The following APOBEC3F variants were observed in gnomAD, a reference collection of about 807,000 sequenced individuals.
APOBEC3F encodes the protein apolipoprotein B mRNA editing enzyme catalytic subunit 3F, also known as DNA dC->dU-editing enzyme APOBEC-3F.
APOBEC3F carries 34 observed loss-of-function variants against 45.8 expected under a neutral mutation model. That is an observed-to-expected ratio of 0.74 (90% CI 0.57 to 0.99). The LOEUF is 0.99. Ranked by LOEUF, APOBEC3F falls within the 50% of genes least tolerant of loss-of-function variation. The probability of loss-of-function intolerance (pLI) is 0.00; values close to 1 mark genes in which losing one functional copy is unlikely to be tolerated. For synonymous variants in APOBEC3F, 192 were observed against 174.4 expected (o/e 1.10, Z -0.80); for missense variants, 459 against 474.1 (o/e 0.97, Z 0.30).
Position 39,045,477 on chromosome 22 carries a change from C to T in APOBEC3F, c.501C>T (p.Phe167=). 2 of 1,614,144 alleles carry T rather than the reference C, an allele frequency of 1.2e-6. No individual in the cohort carries two copies. The highest frequency in any genetic ancestry group is 1.3e-5 in the African/African-American group (1 of 75,028). Residue 167 remains phenylalanine (F), a synonymous_variant, in exon 4 of 7, where the codon TTC becomes TTT. Transcript: ENST00000308521. ...ENFVYSEGQP[F]MPWYKFDDNY... is the part of the protein sequence containing the mutation. ...TTGTGTACAGTGAAGGTCAGCCATTCATGCCTTGGTACAAATTCGATGACA... is the reference window on the plus strand; with the variant it reads ...TTGTGTACAGTGAAGGTCAGCCATTTATGCCTTGGTACAAATTCGATGACA...
intron 3 of APOBEC3F, 47 bp from the exon 4 acceptor site, chr22:39,045,381 C>G (rs745614922): frequency 2.3e-5 from 37 of 1,613,454 alleles, no homozygotes; most frequent in Non-Finnish European, 2.9e-5. Flanking sequence ...GGAGCGCGGG[C>G]CCAGGGTCAG....
chr22:39,044,805 AG>A (rs1927118093), intron 2 of APOBEC3F, 135 bp from the exon 3 acceptor site: 2 of 819,294 alleles, frequency 2.4e-6, no homozygotes, highest in Non-Finnish European at 1.9e-6. Flanking sequence ...CAAACTAAAC[AG>A]GGGGGATGGA....
intron 5 of APOBEC3F, among the ~76,000 whole-genome samples, chr22:39,050,012 A>G (rs1460892496): frequency 1.3e-5 from 2 of 151,124 alleles, no homozygotes; most frequent in Non-Finnish European, 2.9e-5. Context: ...TTCCTCCCAC[A>G]TTTTTTAAGT....
intron 5 of APOBEC3F, among the ~76,000 whole-genome samples, chr22:39,051,505 A>G (rs1927483649): frequency 6.7e-6 from 1 of 150,202 alleles, no homozygotes; most frequent in Non-Finnish European, 1.5e-5. Flanking sequence ...CCACTGCACT[A>G]CAGCATGGGT....
At chr22:39,050,389 G>A (rs34768956) in intron 5 of APOBEC3F, among the ~76,000 whole-genome samples, 45 of 145,768 alleles carry the variant, frequency 3.1e-4, no homozygotes, top group African/African-American at 9.2e-4. Context: ...CCAACCCTGC[G>A]GCCCCCTCCT....
intron 4 of APOBEC3F, among the ~76,000 whole-genome samples, chr22:39,047,732 GC>G (rs1356652169): frequency 3.3e-5 from 5 of 151,892 alleles, no homozygotes; most frequent in African/African-American, 1.2e-4. Context: ...CCCAGCCCAG[GC>G]CCCCTGCTGA....
intron 5 of APOBEC3F, 127 bp from the exon 6 acceptor site, chr22:39,051,947 C>G: frequency 1.4e-6 from 2 of 1,396,276 alleles, no homozygotes; most frequent in Non-Finnish European, 2.0e-6. Flanking sequence ...AGGAGAGACC[C>G]TGTCTCAAAA....
chr22:39,042,826 A>AG, intron 1 of APOBEC3F, 111 bp from the exon 2 acceptor site: 2 of 1,484,964 alleles, frequency 1.3e-6, no homozygotes, highest in Non-Finnish European at 1.8e-6. Flanking sequence ...AGGGCTGTGG[A>AG]GGGGTTGGGG....
At chr22:39,051,023 G>C (rs1157226445) in intron 5 of APOBEC3F, among the ~76,000 whole-genome samples, 2 of 152,142 alleles carry the variant, frequency 1.3e-5, no homozygotes, top group East Asian at 3.8e-4. Context: ...CGGATCATGA[G>C]GTCAGGAGTT....
intron 5 of APOBEC3F, among the ~76,000 whole-genome samples, 179 bp downstream of exon 5, chr22:39,049,760 C>T (rs1236892639): frequency 1.3e-5 from 2 of 148,594 alleles, no homozygotes; most frequent in African/African-American, 2.5e-5. Context: ...AGTGCAATGG[C>T]GTGATCTCTG....
rs1301148584 is a variant in APOBEC3F at position 39,054,899 on chromosome 22, C to T, written c.*2204C>T. Reference sequence around the variant, plus strand: ...CCACATGAATAATGCGGGCCACAGGCAGGCATTTATTTTCTCACAGATATG... The same window carrying T: ...CCACATGAATAATGCGGGCCACAGGTAGGCATTTATTTTCTCACAGATATG... On this transcript the variant is annotated 3_prime_UTR_variant, in exon 7 of 7. Coordinates refer to ENST00000308521, the MANE Select transcript of APOBEC3F (RefSeq NM_145298.6). 6.6e-6 allele frequency among the ~76,000 whole-genome samples: 1 copy of T among 152,126 alleles called. No homozygotes were observed. The highest frequency in any genetic ancestry group is 1.5e-5 in the Non-Finnish European group (1 of 68,028).
chr22:39,049,664 G>C, intron 5 of APOBEC3F, 83 bp downstream of exon 5: 1 of 1,512,940 alleles, frequency 6.6e-7, no homozygotes, highest in Non-Finnish European at 9.0e-7. Context: ...CGTGCCTGGC[G>C]TGGGCTTTCC....
rs1424852071 is a variant in APOBEC3F, at chr22:39,054,176, C to G, written c.*1481C>G. ...TACAGGCGTCCACCACCAAACCAGGCTAATTTTTGTATTTTTCATAAAAAC... is the reference window on the plus strand; with the variant it reads ...TACAGGCGTCCACCACCAAACCAGGGTAATTTTTGTATTTTTCATAAAAAC... On this transcript the variant is annotated 3_prime_UTR_variant, in exon 7 of 7. Transcript: ENST00000308521. 6.6e-6 allele frequency among the ~76,000 whole-genome samples: 1 copy of G among 152,012 alleles called. No homozygotes were observed. The highest frequency in any genetic ancestry group is 1.5e-5 in the Non-Finnish European group (1 of 67,988).
rs1004081356 is a variant in APOBEC3F, at chr22:39,054,980, C to T, written c.*2285C>T. On this transcript the variant is annotated 3_prime_UTR_variant, in exon 7 of 7. Transcript: ENST00000308521. ...CGGGGTTGTTTGCTCTGAGGCCGCT[C>T]CTCCTGGATGGCAGGGATCCCTTCT... is the stretch of plus-strand genomic sequence containing the variant. Among the ~76,000 whole-genome samples the T allele has an allele frequency of 6.6e-6, 1 of 152,032 alleles. No individual in the cohort carries two copies. The highest frequency in any genetic ancestry group is 2.4e-5 in the African/African-American group (1 of 41,408).
Position 39,049,423 on chromosome 22 carries a change from A to T in APOBEC3F, c.567-2A>T. The T allele has an allele frequency of 6.2e-7, 1 of 1,613,928 alleles. No homozygotes were observed. Among genetic ancestry groups the T allele is most frequent in the Non-Finnish European group, 8.5e-7 (1 of 1,179,880 alleles). On this transcript the variant is annotated splice_acceptor_variant, in intron 4 of 6. Transcript: ENST00000308521. LOFTEE classifies it high-confidence loss of function. ...ATTGGGGTTTCTCTATTGTGCCTTC[A>T]GAAACCCGATGGAGGCAATGTATCC... is the stretch of plus-strand genomic sequence containing the variant.
At chr22:39,042,658 G>A (rs1485570173) in intron 1 of APOBEC3F, among the ~76,000 whole-genome samples, 1 of 152,130 alleles carries the variant, frequency 6.6e-6, no homozygotes, top group African/African-American at 2.4e-5. Flanking sequence ...TGGAGAATGG[G>A]TGGGAGAAAT....
chr22:39,045,925 C>G (rs934187700), intron 4 of APOBEC3F, among the ~76,000 whole-genome samples: 2 of 150,768 alleles, frequency 1.3e-5, no homozygotes, highest in African/African-American at 4.8e-5. Flanking sequence ...TCCTTCAAGG[C>G]CGACCTGAGT....
At position 39,054,751 on chromosome 22, in the gene APOBEC3F, C is replaced by T. The variant is rs951613350; in HGVS notation, c.*2056C>T. ...TGAAATGTGAAATTTAGAGGCCCTT[C>T]TCCACACTTTAAATTTGACTTGACA... On this transcript the variant is annotated 3_prime_UTR_variant, in exon 7 of 7. Transcript: ENST00000308521. 2.0e-5 allele frequency among the ~76,000 whole-genome samples: 3 copies of T among 152,220 alleles called. No individual in the cohort carries two copies. Among genetic ancestry groups the T allele is most frequent in the Admixed American group, 6.5e-5 (1 of 15,278 alleles).
In APOBEC3F at chr22:39,049,405, T is replaced by C; in HGVS notation, c.567-20T>C. ...ATCCAGGGGGGTCTCTGCATTGGGG[T>C]TTCTCTATTGTGCCTTCAGAAACCC... On this transcript the variant is annotated intron_variant, in intron 4 of 6. Coordinates refer to ENST00000308521, the MANE Select transcript of APOBEC3F (RefSeq NM_145298.6). 1 of 1,611,290 alleles carries C rather than the reference T, an allele frequency of 6.2e-7. No individual in the cohort carries two copies. The highest frequency in any genetic ancestry group is 8.5e-7 in the Non-Finnish European group (1 of 1,178,144).
Sources: gnomAD v4.1 joint callset for allele counts (sites outside exome capture counted in the v4.1 genomes callset) on GRCh38, gnomAD v4.1.1 for gene constraint, MANE v1.5 for transcripts, NCBI Gene and HGNC (gene_info 2026-07-23, HGNC 2026-07-21) for gene names.